Variants in CELF2 observed in about 807,000 individuals in gnomAD.
The protein encoded by CELF2 is CUG triplet repeat RNA-binding protein 2.
In CELF2, 8 loss-of-function variants were observed where a neutral mutation model predicts 62.6. That is an observed-to-expected ratio of 0.13 (90% confidence interval 0.07 to 0.23). The LOEUF is 0.23. Among genes scored for constraint, CELF2 ranks in the 10% least tolerant of loss-of-function variants. The pLI, the probability that CELF2 is intolerant of heterozygous loss-of-function variation, is 1.00. For synonymous variants in CELF2, 258 were observed against 250.0 expected, an observed-to-expected ratio of 1.03 and a Z score of -0.30; for missense variants, 333 against 671.0, an observed-to-expected ratio of 0.50 and a Z score of 5.56.
At position 10,949,778 on chromosome 10, in the gene CELF2, T is replaced by G. The variant is rs989289936; in HGVS notation, c.89+29779T>G. Among the ~76,000 whole-genome samples, 9 of 146,750 alleles carry G rather than the reference T, an allele frequency of 6.1e-5. No homozygotes were observed. In the South Asian group the frequency reaches 1.9e-3, roughly 31 times the overall value. On this transcript the variant is annotated intron_variant, in intron 2 of 13. Coordinates refer to the CELF2 transcript ENST00000636488. ...ATCACACCACTGCACTGCAACCTGGTTAACAGAGTGAGACTGTGTCGCAAA... is the reference window on the plus strand; with the variant it reads ...ATCACACCACTGCACTGCAACCTGGGTAACAGAGTGAGACTGTGTCGCAAA...
chr10:11,187,914 C>T (rs931192811), intron 2 of CELF2, among the ~76,000 whole-genome samples: 1 of 152,162 alleles, frequency 6.6e-6, no homozygotes, highest in Non-Finnish European at 1.5e-5. Context: ...TGTTTATGCT[C>T]GTAGTTAATA....
chr10:10,819,592 C>T (rs552656623), intron 1 of CELF2, among the ~76,000 whole-genome samples: 12 of 152,212 alleles, frequency 7.9e-5, no homozygotes, highest in Admixed American at 3.9e-4. Flanking sequence ...GGAGAGAGAA[C>T]ATCCACTGGT....
chr10:11,251,083 C>G (rs1403884159), intron 4 of CELF2, among the ~76,000 whole-genome samples: 1 of 152,086 alleles, frequency 6.6e-6, no homozygotes, highest in Non-Finnish European at 1.5e-5. Flanking sequence ...AAGAAATGTT[C>G]CCTGCCTTTG....
chr10:11,090,176 A>G (rs1200146598), intron 1 of CELF2, among the ~76,000 whole-genome samples: 1 of 151,826 alleles, frequency 6.6e-6, no homozygotes, highest in Non-Finnish European at 1.5e-5. Context: ...TGAATCTAAA[A>G]TGAAATTTGG....
At chr10:10,489,137 A>C in the CELF2 span, among the ~76,000 whole-genome samples, 1 of 152,094 alleles carries the variant, frequency 6.6e-6, no homozygotes, top group African/African-American at 2.4e-5. Flanking sequence ...GAACATTTTC[A>C]CACCAACTTC....
chr10:11,172,034 T>C (rs946306997), intron 2 of CELF2, among the ~76,000 whole-genome samples: 3 of 152,108 alleles, frequency 2.0e-5, no homozygotes, highest in African/African-American at 7.2e-5. Flanking sequence ...AAATCAGGAA[T>C]TGAGAAAGAA....
chr10:11,227,456 G>A lies in CELF2; in HGVS notation c.354+9949G>A, dbSNP rs2067015698. On this transcript the variant is annotated intron_variant, in intron 3 of 12. Transcript: ENST00000633077. This position sits in a 1 kb window ranked among gnomAD's most constrained non-coding sequence, Gnocchi z 4.8. ...ATCACAGCAAAGTCAAGGCAAAGGA[G>A]GATGGGTGCCAGGGGTGCCTCTGCA... Among the ~76,000 whole-genome samples, 1 of 152,194 alleles carries A rather than the reference G, an allele frequency of 6.6e-6. No individual in the cohort carries two copies. Among genetic ancestry groups the A allele is most frequent in the Non-Finnish European group, 1.5e-5 (1 of 68,038 alleles).
At chr10:10,636,557 A>G in the CELF2 span, among the ~76,000 whole-genome samples, 3 of 152,218 alleles carry the variant, frequency 2.0e-5, no homozygotes, top group African/African-American at 7.2e-5. Flanking sequence ...TGGGGAAAAT[A>G]CTATGGAAAT....
intron 5 of CELF2, 109 bp downstream of exon 5, chr10:11,257,981 C>A: frequency 8.1e-7 from 1 of 1,236,254 alleles, no homozygotes; most frequent in Non-Finnish European, 1.1e-6. Flanking sequence ...CCCTGTAATA[C>A]ATCCCATGTG....
intron 1 of CELF2, among the ~76,000 whole-genome samples, chr10:10,864,344 T>G (rs142525058): frequency 7.9e-4 from 121 of 152,292 alleles, no homozygotes; most frequent in African/African-American, 2.6e-3. Flanking sequence ...TGATAGTAAT[T>G]ATCTTACCAG....
At chr10:10,494,076 A>G in the CELF2 span, among the ~76,000 whole-genome samples, 11 of 152,214 alleles carry the variant, frequency 7.2e-5, no homozygotes, top group African/African-American at 2.7e-4. Flanking sequence ...CTCTCCCAAG[A>G]GAGGCTGACT....
chr10:10,471,688 T>C, the CELF2 span, among the ~76,000 whole-genome samples: 2 of 151,822 alleles, frequency 1.3e-5, no homozygotes, highest in Non-Finnish European at 2.9e-5. Context: ...TAAACAATCA[T>C]TTCTCTTTTA....
At chr10:11,322,349 A>G (rs2095486152) in intron 11 of CELF2, among the ~76,000 whole-genome samples, 1 of 152,258 alleles carries the variant, frequency 6.6e-6, no homozygotes, top group African/African-American at 2.4e-5. Context: ...AATAAACTCC[A>G]GGAAGTTAAT....
intron 1 of CELF2, among the ~76,000 whole-genome samples, chr10:10,886,225 T>G (rs1347547889): frequency 4.6e-5 from 7 of 152,220 alleles, no homozygotes; most frequent in Non-Finnish European, 1.0e-4. Context: ...GGCACTGTTT[T>G]TAGCCCAAGT....
intron 1 of CELF2, among the ~76,000 whole-genome samples, chr10:10,914,424 G>A (rs529430854): frequency 1.6e-4 from 25 of 152,262 alleles, no homozygotes; most frequent in African/African-American, 4.8e-4. Flanking sequence ...ATAAAAGCTG[G>A]CATCACGCTT....
At chr10:11,282,802 G>A (rs1270907778) in intron 8 of CELF2, among the ~76,000 whole-genome samples, 1 of 152,278 alleles carries the variant, frequency 6.6e-6, no homozygotes, top group African/African-American at 2.4e-5. Context: ...AGCAGGACCT[G>A]AGCTCTTGCT....
the CELF2 span, among the ~76,000 whole-genome samples, chr10:10,647,708 G>A: frequency 3.9e-5 from 6 of 152,254 alleles, no homozygotes; most frequent in East Asian, 1.2e-3. Context: ...ATATTTCAAG[G>A]CTTGCTTTCT....
upstream of CELF2, chr10:10,798,582 C>T (rs1053408825): frequency 2.5e-6 from 1 of 394,390 alleles, no homozygotes; most frequent in Non-Finnish European, 4.5e-6. Context: ...GGGTGTGGGA[C>T]GGAGGAGAGC....
chr10:11,090,163 C>T (rs1027218083), intron 1 of CELF2, among the ~76,000 whole-genome samples: 1 of 150,934 alleles, frequency 6.6e-6, no homozygotes, highest in East Asian at 1.9e-4. Flanking sequence ...CACATGTAAT[C>T]CCTGAATCTA....
Sources: gnomAD v4.1 joint callset for allele counts (sites outside exome capture counted in the v4.1 genomes callset) on GRCh38, gnomAD v4.1.1 for gene constraint, Gnocchi (gnomAD v3.1) non-coding constraint, MANE v1.5 for transcripts, NCBI Gene and HGNC (gene_info 2026-07-23, HGNC 2026-07-21) for gene names.